STAG1: variants seen among roughly 807,000 people sequenced by gnomAD.
STAG1 encodes the protein cohesin subunit SA-1.
Under a neutral mutation model 170.9 loss-of-function variants are expected in STAG1, and 26 were observed. That is an observed-to-expected ratio of 0.15 (90% CI 0.11 to 0.21). STAG1 has a LOEUF of 0.21. Ranked by LOEUF, STAG1 falls within the 10% of genes least tolerant of loss-of-function variation. The pLI is 1.00. For missense variants in STAG1, 964 were observed against 1,509.5 expected, an observed-to-expected ratio of 0.64 and a Z score of 5.99; for synonymous variants, 514 against 497.7, an observed-to-expected ratio of 1.03 and a Z score of -0.44.
intron 1 of STAG1, among the ~76,000 whole-genome samples, chr3:136,731,034 A>T (rs1421756319): frequency 6.6e-6 from 1 of 152,218 alleles, no homozygotes; most frequent in African/African-American, 2.4e-5. Flanking sequence ...CCACACTTTA[A>T]GAACCACTGG....
intron 15 of STAG1, among the ~76,000 whole-genome samples, chr3:136,439,155 A>G (rs1371160785): frequency 6.8e-6 from 1 of 146,880 alleles, no homozygotes; most frequent in African/African-American, 2.5e-5. Flanking sequence ...GAGATCCGCC[A>G]CTGCACTACA....
At chr3:136,633,710 A>AAAGG (rs1491192814) in intron 1 of STAG1, among the ~76,000 whole-genome samples, 2 of 44,808 alleles carry the variant, frequency 4.5e-5, no homozygotes, top group Non-Finnish European at 7.8e-5. Flanking sequence ...TCAAAAAAAA[A>AAAGG]GGGGGGGGGG....
chr3:136,510,684 T>C (rs1336938433), intron 7 of STAG1, among the ~76,000 whole-genome samples: 2 of 151,712 alleles, frequency 1.3e-5, no homozygotes, highest in Non-Finnish European at 2.9e-5. Context: ...CGATCTCAGC[T>C]CACTGCAACC....
In STAG1 at chr3:136,742,087, C is replaced by T. The variant is rs547820171; in HGVS notation, c.-84+10108G>A. Among the ~76,000 whole-genome samples, 118 of 152,222 alleles carry T rather than the reference C, an allele frequency of 7.8e-4. 1 individual carries two copies. The highest frequency in any genetic ancestry group is 2.8e-3 in the African/African-American group (116 of 41,532). ...AGAATTAAGGGAAAAACAGATAATTCCACAGTCATAGTTGGATATTTTAAC... is the reference window on the plus strand; with the variant it reads ...AGAATTAAGGGAAAAACAGATAATTTCACAGTCATAGTTGGATATTTTAAC... On this transcript the variant is annotated intron_variant, in intron 1 of 33. Transcript: ENST00000383202.
At chr3:136,648,069 T>C (rs932058624) in intron 1 of STAG1, among the ~76,000 whole-genome samples, 1 of 152,332 alleles carries the variant, frequency 6.6e-6, no homozygotes, top group South Asian at 2.1e-4. Flanking sequence ...GATGAAATAA[T>C]AGTAGAGCCA....
At chr3:136,666,556 G>T (rs999365542) in intron 1 of STAG1, among the ~76,000 whole-genome samples, 1 of 152,092 alleles carries the variant, frequency 6.6e-6, no homozygotes, top group African/African-American at 2.4e-5. Context: ...GGTGGCTCAC[G>T]CCTGTAATCC....
intron 28 of STAG1, among the ~76,000 whole-genome samples, chr3:136,352,487 T>C (rs1343576752): frequency 6.6e-6 from 1 of 152,182 alleles, no homozygotes; most frequent in African/African-American, 2.4e-5. Context: ...GAAAAAATTA[T>C]GAGACGTACA....
chr3:136,462,991 A>T (rs2089315816), intron 13 of STAG1, among the ~76,000 whole-genome samples: 1 of 152,188 alleles, frequency 6.6e-6, no homozygotes, highest in South Asian at 2.1e-4. Flanking sequence ...ATTTCTAAAA[A>T]CACGAAGTTC....
At chr3:136,409,158 G>A (rs1178816565) in intron 21 of STAG1, among the ~76,000 whole-genome samples, 1 of 152,092 alleles carries the variant, frequency 6.6e-6, no homozygotes, top group Non-Finnish European at 1.5e-5. Context: ...CAGCTACTCG[G>A]GAGGCAGAGG....
In STAG1 at chr3:136,528,501, C is replaced by G. The variant is rs530183455; in HGVS notation, c.472-7084G>C. On this transcript the variant is annotated intron_variant, in intron 6 of 33. Transcript: ENST00000383202. ...AGCAACAGATGTCCCCGCACCCCCC[C>G]CCCCAAAAAATCACTAAGTCCTGGA... Among the ~76,000 whole-genome samples, 722 of 141,268 alleles carry G rather than the reference C, an allele frequency of 5.1e-3. 13 individuals are homozygous for G. Among genetic ancestry groups the G allele is most frequent in the African/African-American group, 0.02 (687 of 33,854 alleles). The allele number at this position is 141,268 out of a possible 152,430, so 92.7% of individuals were successfully genotyped here. A position where few individuals can be genotyped will look rare whatever the true frequency, so the allele number is the denominator to read the frequency against.
intron 21 of STAG1, among the ~76,000 whole-genome samples, chr3:136,416,120 G>A (rs899492264): frequency 2.0e-5 from 3 of 151,776 alleles, no homozygotes; most frequent in Non-Finnish European, 4.4e-5. Context: ...TGATTCTCCT[G>A]CCTCAGCCTC....
intron 14 of STAG1, among the ~76,000 whole-genome samples, chr3:136,450,516 CACTG>C (rs2088905714): frequency 6.6e-6 from 1 of 152,202 alleles, no homozygotes; most frequent in African/African-American, 2.4e-5. Flanking sequence ...CCCTTCACTC[CACTG>C]ACTGAGTTCT....
chr3:136,697,322 A>C (rs1942926778), intron 1 of STAG1, among the ~76,000 whole-genome samples: 1 of 152,234 alleles, frequency 6.6e-6, no homozygotes, highest in East Asian at 1.9e-4. Context: ...TCAAAGTGTG[A>C]AACTAAAAGC....
Position 136,377,768 on chromosome 3 carries a change from A to C in STAG1, c.2278-16T>G, listed in dbSNP as rs1475807691. On this transcript the variant is annotated splice_polypyrimidine_tract_variant and intron_variant, in intron 22 of 33. Transcript: ENST00000383202. ...ACAAATCCTCCTGTAAGACACATTC[A>C]AATTTGCAAGCGTGAATTACAGGAT... The C allele has an allele frequency of 1.9e-6, 3 of 1,608,624 alleles. No individual in the cohort carries two copies. The highest frequency in any genetic ancestry group is 2.6e-6 in the Non-Finnish European group (3 of 1,175,452).
chr3:136,731,352 T>G (rs1934030229), intron 1 of STAG1, among the ~76,000 whole-genome samples: 2 of 152,192 alleles, frequency 1.3e-5, no homozygotes, highest in Admixed American at 1.3e-4. Flanking sequence ...CACTCTCCTC[T>G]GGGCAGGTAA....
At chr3:136,360,817 C>T (rs181738531) in intron 26 of STAG1, among the ~76,000 whole-genome samples, 1 of 151,970 alleles carries the variant, frequency 6.6e-6, no homozygotes, top group East Asian at 1.9e-4. Flanking sequence ...TACAGGCGCC[C>T]GCCACCACAC....
chr3:136,614,257 A>G (rs1939464057), intron 3 of STAG1, among the ~76,000 whole-genome samples: 1 of 152,198 alleles, frequency 6.6e-6, no homozygotes, highest in Non-Finnish European at 1.5e-5. Flanking sequence ...TATATTATTT[A>G]AGATGTATTT....
rs551371276 is a variant in STAG1 at position 136,589,863 on chromosome 3, G to A, written c.297+14446C>T. Among the ~76,000 whole-genome samples the A allele has an allele frequency of 7.3e-4, 110 of 150,490 alleles. 3 individuals carry two copies. In the South Asian group the frequency reaches 0.02, roughly 27 times the overall value. On this transcript the variant is annotated intron_variant, in intron 4 of 33. Transcript: ENST00000383202. ...GGAGGATCGCCTGAATCCGGGAGGC[G>A]GAAGTTGCAGTGAACCGAGATCGAG...
In STAG1 at chr3:136,447,596, A is replaced by T. The variant is rs902907822; in HGVS notation, c.1429-4192T>A. Among the ~76,000 whole-genome samples, 454 of 74,314 alleles carry T rather than the reference A, an allele frequency of 6.1e-3. 4 individuals carry two copies. The highest frequency in any genetic ancestry group is 0.023 in the African/African-American group (412 of 17,870). 48.8% of individuals were successfully genotyped at this position (74,314 alleles called of 152,430 possible). On this transcript the variant is annotated intron_variant, in intron 14 of 33. Transcript: ENST00000383202. Reference sequence around the variant, plus strand: ...TCCTTATCCCTCTGAAAAGCATCACATTTTTTTTTTTTTTTTTTTTTTTTT... The same window carrying T: ...TCCTTATCCCTCTGAAAAGCATCACTTTTTTTTTTTTTTTTTTTTTTTTTT...
Sources: gnomAD v4.1 joint callset for allele counts (sites outside exome capture counted in the v4.1 genomes callset) on GRCh38, gnomAD v4.1.1 for gene constraint, MANE v1.5 for transcripts, NCBI Gene and HGNC (gene_info 2026-07-23, HGNC 2026-07-21) for gene names.